Variants in PDE4D observed in about 807,000 individuals in gnomAD.
PDE4D encodes the protein 3',5'-cyclic-AMP phosphodiesterase 4D.
PDE4D carries 24 observed loss-of-function variants against 87.4 expected under a neutral mutation model. That is an observed-to-expected ratio of 0.27 (90% CI 0.20 to 0.39). The LOEUF (loss-of-function observed/expected upper bound fraction) is 0.39, where lower values mean the gene tolerates loss of function less well. Ranked by LOEUF, PDE4D falls within the 10% of genes least tolerant of loss-of-function variation. The probability of loss-of-function intolerance (pLI) is 1.00; values close to 1 mark genes in which losing one functional copy is unlikely to be tolerated. For missense variants in PDE4D, 714 were observed against 1,041.0 expected, an observed-to-expected ratio of 0.69 and a Z score of 4.32; for synonymous variants, 384 against 383.2, an observed-to-expected ratio of 1.00 and a Z score of -0.02.
At chr5:60,212,331 G>T (rs777641043) in intron 1 of PDE4D, among the ~76,000 whole-genome samples, 9 of 151,846 alleles carry the variant, frequency 5.9e-5, no homozygotes, top group Non-Finnish European at 1.2e-4. Flanking sequence ...TCCATGTTTT[G>T]GGTGTGACTG....
chr5:59,729,663 C>A lies in PDE4D; in HGVS notation c.455+163505G>T, dbSNP rs543428019. On this transcript the variant is annotated intron_variant, in intron 1 of 14. Transcript: ENST00000340635. ...TTAGTATATTTTAACTATCTTCATA[C>A]TAAGAAAATACCTACGAAAGTAAGT... Among the ~76,000 whole-genome samples, 7 of 151,938 alleles carry A rather than the reference C, an allele frequency of 4.6e-5. 1 individual carries two copies. Among genetic ancestry groups the A allele is most frequent in the African/African-American group, 1.7e-4 (7 of 41,452 alleles).
intron 1 of PDE4D, among the ~76,000 whole-genome samples, chr5:59,522,716 G>A (rs1812459616): frequency 6.6e-6 from 1 of 152,176 alleles, no homozygotes; most frequent in Non-Finnish European, 1.5e-5. Context: ...TATACAGAAT[G>A]TGACTCTGAA....
At chr5:60,199,977 A>G (rs1272429114) in intron 1 of PDE4D, among the ~76,000 whole-genome samples, 5 of 151,684 alleles carry the variant, frequency 3.3e-5, no homozygotes, top group African/African-American at 1.2e-4. Flanking sequence ...CCAGCTTCAG[A>G]TACTTCAAAG....
chr5:59,357,579 C>T, intron 1 of PDE4D, among the ~76,000 whole-genome samples: 1 of 152,194 alleles, frequency 6.6e-6, no homozygotes, highest in East Asian at 1.9e-4. Flanking sequence ...GAGTGAATTA[C>T]AATGCATGAC....
At chr5:60,430,517 CTTTTT>C (rs796630735) in intron 1 of PDE4D, among the ~76,000 whole-genome samples, 1 of 142,414 alleles carries the variant, frequency 7.0e-6, no homozygotes, top group Non-Finnish European at 1.5e-5. Context: ...TCAAACCTTT[CTTTTT>C]TGTTTGTGTT....
intron 1 of PDE4D, among the ~76,000 whole-genome samples, chr5:60,445,058 C>T (rs927172137): frequency 6.6e-6 from 1 of 152,032 alleles, no homozygotes; most frequent in Non-Finnish European, 1.5e-5. Flanking sequence ...ACACAACAAG[C>T]AGGGCGTAAC....
At chr5:60,398,876 C>G (rs1248934199) in intron 1 of PDE4D, among the ~76,000 whole-genome samples, 1 of 152,096 alleles carries the variant, frequency 6.6e-6, no homozygotes, top group Non-Finnish European at 1.5e-5. Context: ...CACAGCTGAA[C>G]AAGGACTTGC....
intron 1 of PDE4D, among the ~76,000 whole-genome samples, chr5:60,187,310 G>A (rs983290875): frequency 6.6e-6 from 1 of 152,050 alleles, no homozygotes; most frequent in Admixed American, 6.5e-5. Flanking sequence ...GCATCCTATA[G>A]GTCCCAGAAA....
intron 1 of PDE4D, among the ~76,000 whole-genome samples, chr5:59,883,083 T>C (rs554432245): frequency 3.9e-5 from 6 of 152,200 alleles, no homozygotes; most frequent in Non-Finnish European, 7.3e-5. Flanking sequence ...CCAGCCTCTC[T>C]TATTCCTTTG....
At chr5:59,630,686 G>A (rs1172779638) in intron 1 of PDE4D, among the ~76,000 whole-genome samples, 1 of 152,146 alleles carries the variant, frequency 6.6e-6, no homozygotes, top group African/African-American at 2.4e-5. Context: ...CCATCTGCTT[G>A]ATGAGTGACA....
chr5:60,116,608 A>T (rs544567893), intron 2 of PDE4D, among the ~76,000 whole-genome samples: 1 of 152,212 alleles, frequency 6.6e-6, no homozygotes, highest in African/African-American at 2.4e-5. Flanking sequence ...TTAATTATTT[A>T]TGGGAAAATA....
rs982342092 is a variant in PDE4D, at chr5:58,971,185, G to A, written c.*3479C>T. 1 of 152,140 alleles carries A rather than the reference G, an allele frequency of 6.6e-6. No homozygotes were observed. The highest frequency in any genetic ancestry group is 2.4e-5 in the African/African-American group (1 of 41,414). The allele number at this position is 152,140 out of a possible 1,614,324, so 9.4% of individuals were successfully genotyped here. A position where few individuals can be genotyped will look rare whatever the true frequency, so the allele number is the denominator to read the frequency against. ...ATGCAGCAAAACAGAAGAAAATATT[G>A]GTTAAAGTTAAGGCACAGCCCTGGG... On this transcript the variant is annotated 3_prime_UTR_variant, in exon 15 of 15. Transcript: ENST00000340635.
intron 11 of PDE4D, among the ~76,000 whole-genome samples, chr5:58,979,276 C>T (rs536410709): frequency 2.0e-5 from 3 of 152,262 alleles, no homozygotes; most frequent in African/African-American, 4.8e-5. Context: ...GAGTGGTTAT[C>T]TCCTGACACT....
chr5:59,699,251 A>C (rs1409653425), intron 1 of PDE4D, among the ~76,000 whole-genome samples: 1 of 152,184 alleles, frequency 6.6e-6, no homozygotes, highest in Non-Finnish European at 1.5e-5. Context: ...GGGGAGAAAT[A>C]AGAATCAGAA....
chr5:59,908,950 A>C (rs780817823), intron 3 of PDE4D, among the ~76,000 whole-genome samples: 5 of 152,202 alleles, frequency 3.3e-5, no homozygotes, highest in Non-Finnish European at 7.4e-5. Flanking sequence ...ATTTGATCTT[A>C]TATTTTCAAC....
intron 1 of PDE4D, among the ~76,000 whole-genome samples, chr5:59,757,000 G>A (rs1022584398): frequency 7.9e-5 from 12 of 151,984 alleles, no homozygotes; most frequent in Non-Finnish European, 1.6e-4. Flanking sequence ...GTTTCACCAT[G>A]TTGAACAGGC....
intron 6 of PDE4D, among the ~76,000 whole-genome samples, chr5:59,011,164 G>A (rs1580272703): frequency 6.6e-6 from 1 of 152,022 alleles, no homozygotes; most frequent in Non-Finnish European, 1.5e-5. Context: ...AAAGACCAAA[G>A]GTAGATAAAA....
intron 1 of PDE4D, among the ~76,000 whole-genome samples, chr5:59,619,285 G>A (rs1427374598): frequency 6.6e-6 from 1 of 152,096 alleles, no homozygotes; most frequent in African/African-American, 2.4e-5. Flanking sequence ...AGGCAAGGAG[G>A]CTCTCTTGGA....
chr5:59,881,203 G>A (rs1433848856), intron 1 of PDE4D, among the ~76,000 whole-genome samples: 1 of 151,980 alleles, frequency 6.6e-6, no homozygotes, highest in Non-Finnish European at 1.5e-5. Context: ...GAGTAGCTGT[G>A]GGCATTTTAT....
Sources: allele counts gnomAD v4.1 joint callset (sites outside exome capture counted in the v4.1 genomes callset), GRCh38; gene constraint gnomAD v4.1.1; transcripts MANE v1.5; gene names NCBI Gene and HGNC (gene_info 2026-07-23, HGNC 2026-07-21).